The following MYLK variants were observed in gnomAD, a reference collection of about 807,000 sequenced individuals.
MYLK encodes the protein myosin light chain kinase.
In MYLK, 106 loss-of-function variants were observed where a neutral mutation model predicts 203.4. The observed-to-expected ratio is 0.52, with a 90% CI of 0.45 to 0.61. The LOEUF is 0.61. Ranked by LOEUF, MYLK falls within the 20% of genes least tolerant of loss-of-function variation. MYLK has a pLI of 0.00. For synonymous variants in MYLK, 867 were observed against 959.5 expected (o/e 0.90, Z 1.78); for missense variants, 2,072 against 2,442.3 (o/e 0.85, Z 3.20).
Position 123,640,639 on chromosome 3 carries a change from C to G in MYLK, c.4620-135G>C, listed in dbSNP as rs1182659778. The G allele has an allele frequency of 1.1e-6, 1 of 885,672 alleles. No homozygotes were observed. Among genetic ancestry groups the G allele is most frequent in the Admixed American group, 2.0e-5 (1 of 50,562 alleles). The allele number at this position is 885,672 out of a possible 1,614,324, so 54.9% of individuals were successfully genotyped here. On this transcript the variant is annotated intron_variant, in intron 27 of 33. Transcript: ENST00000360304. The surrounding 1 kb of genome is among the most constrained non-coding windows in gnomAD (Gnocchi z 4.3). Reference sequence around the variant, plus strand: ...AGGGAATGGGGGTGATGGGCAATTCCTGAATCCCCACCCTCCGACATGGGA... The same window carrying G: ...AGGGAATGGGGGTGATGGGCAATTCGTGAATCCCCACCCTCCGACATGGGA...
intron 2 of MYLK, among the ~76,000 whole-genome samples, chr3:123,843,967 C>G (rs768132559): frequency 1.3e-5 from 2 of 152,198 alleles, no homozygotes; most frequent in Non-Finnish European, 2.9e-5. Context: ...CAACTAATCT[C>G]ATATTCTCCT....
intron 13 of MYLK, chr3:123,716,141 T>G (rs1056521987): frequency 6.6e-5 from 10 of 152,204 alleles, no homozygotes; most frequent in African/African-American, 2.4e-4. Context: ...AAATCCAGCA[T>G]GGTCCAGGGA....
chr3:123,634,586 G>A (rs545531864), intron 29 of MYLK, among the ~76,000 whole-genome samples: 2 of 152,358 alleles, frequency 1.3e-5, no homozygotes, highest in African/African-American at 4.8e-5. Context: ...AGCATGAATG[G>A]GAAGGCTGTG....
chr3:123,864,853 T>C lies in MYLK; in HGVS notation c.-127+11706A>G, dbSNP rs565932717. On this transcript the variant is annotated intron_variant, in intron 2 of 33. Coordinates refer to ENST00000360304, the MANE Select transcript of MYLK (RefSeq NM_053025.4). ...CCCAGGAGTTCGAGACTGCAACCACTGCACTCTAGCTTGAGTGACAGACTC... is the reference window on the plus strand; with the variant it reads ...CCCAGGAGTTCGAGACTGCAACCACCGCACTCTAGCTTGAGTGACAGACTC... Among the ~76,000 whole-genome samples, 64 of 152,294 alleles carry C rather than the reference T, an allele frequency of 4.2e-4. 1 individual carries two copies. The South Asian group carries it at 0.011, about 26-fold the overall frequency.
chr3:123,644,954 A>AAATGAC (rs2058964006), intron 27 of MYLK, among the ~76,000 whole-genome samples: 1 of 152,244 alleles, frequency 6.6e-6, no homozygotes. Context: ...AGGATTTGAC[A>AAATGAC]ATTGCAAAAT....
At chr3:123,754,891 A>G (rs1203233677) in intron 4 of MYLK, among the ~76,000 whole-genome samples, 1 of 152,246 alleles carries the variant, frequency 6.6e-6, no homozygotes, top group Admixed American at 6.5e-5. Flanking sequence ...TAAAAGAGCC[A>G]TGCAAATAAA....
chr3:123,614,657 C>CT (rs1286846219), intron 33 of MYLK, among the ~76,000 whole-genome samples: 1 of 152,152 alleles, frequency 6.6e-6, no homozygotes, highest in Non-Finnish European at 1.5e-5. Flanking sequence ...AGTGATGAGT[C>CT]TCACTCTGTT....
chr3:123,778,452 G>T (rs2064159309), intron 4 of MYLK, among the ~76,000 whole-genome samples: 1 of 149,310 alleles, frequency 6.7e-6, no homozygotes, highest in South Asian at 2.1e-4. Context: ...GGTGGAGCTT[G>T]CAGTGAGCCA....
At chr3:123,778,385 C>T (rs930292372) in intron 4 of MYLK, among the ~76,000 whole-genome samples, 3 of 151,816 alleles carry the variant, frequency 2.0e-5, no homozygotes, top group African/African-American at 7.3e-5. Context: ...TGGTGGCAGG[C>T]GCCTGTAGTC....
intron 4 of MYLK, among the ~76,000 whole-genome samples, chr3:123,770,960 C>T (rs939386378): frequency 6.6e-6 from 1 of 152,202 alleles, no homozygotes; most frequent in Non-Finnish European, 1.5e-5. Context: ...AACCATCTGG[C>T]TGGGATGTTG....
intron 23 of MYLK, among the ~76,000 whole-genome samples, chr3:123,661,271 T>A (rs2059553056): frequency 6.6e-6 from 1 of 152,076 alleles, no homozygotes; most frequent in Admixed American, 6.5e-5. Flanking sequence ...GAAAAGCAGT[T>A]CAAAGAAGCT....
At chr3:123,798,783 G>A (rs1162472011) in intron 3 of MYLK, among the ~76,000 whole-genome samples, 1 of 152,048 alleles carries the variant, frequency 6.6e-6, no homozygotes, top group Non-Finnish European at 1.5e-5. Context: ...AAACAGCTCT[G>A]CTCACCCTCA....
intron 2 of MYLK, among the ~76,000 whole-genome samples, chr3:123,856,231 C>T (rs1360479640): frequency 6.6e-6 from 1 of 152,152 alleles, no homozygotes; most frequent in East Asian, 1.9e-4. Context: ...CGCTTTGTTG[C>T]CTGTGAGTGT....
chr3:123,678,590 A>T (rs2060152592), intron 20 of MYLK, among the ~76,000 whole-genome samples: 1 of 152,008 alleles, frequency 6.6e-6, no homozygotes, highest in Non-Finnish European at 1.5e-5. Flanking sequence ...TCACCTCAGG[A>T]AAGATGGATT....
chr3:123,716,575 T>C (rs1175015632), intron 13 of MYLK, among the ~76,000 whole-genome samples: 1 of 152,192 alleles, frequency 6.6e-6, no homozygotes, highest in East Asian at 1.9e-4. Flanking sequence ...AACCACAGCC[T>C]TTCCACTGTC....
chr3:123,850,390 T>A (rs2148665222), intron 2 of MYLK, among the ~76,000 whole-genome samples: 1 of 152,314 alleles, frequency 6.6e-6, no homozygotes, highest in African/African-American at 2.4e-5. Flanking sequence ...TTTCTCCACA[T>A]CCTCTCTAGC....
At chr3:123,646,990 A>G (rs1036334515) in intron 27 of MYLK, 2 of 585,848 alleles carry the variant, frequency 3.4e-6, no homozygotes, top group Non-Finnish European at 6.1e-6. Flanking sequence ...TGTTTTGGAA[A>G]TAAGCACAAG....
intron 19 of MYLK, among the ~76,000 whole-genome samples, chr3:123,688,259 C>T (rs1170471585): frequency 6.6e-6 from 1 of 152,140 alleles, no homozygotes; most frequent in Non-Finnish European, 1.5e-5. Flanking sequence ...CACCTAAACA[C>T]CTGCCTATGT....
chr3:123,713,985 T>C (rs2061804685), intron 13 of MYLK, among the ~76,000 whole-genome samples: 1 of 152,176 alleles, frequency 6.6e-6, no homozygotes, highest in African/African-American at 2.4e-5. Flanking sequence ...TTTCTGACTT[T>C]CCCAACCCAA....
Sources: gnomAD v4.1 joint callset for allele counts (sites outside exome capture counted in the v4.1 genomes callset) on GRCh38, gnomAD v4.1.1 for gene constraint, Gnocchi (gnomAD v3.1) non-coding constraint, MANE v1.5 for transcripts, NCBI Gene and HGNC (gene_info 2026-07-23, HGNC 2026-07-21) for gene names.